PIP5K1B: variants seen among roughly 807,000 people sequenced by gnomAD.
The protein encoded by PIP5K1B is phosphatidylinositol 4-phosphate 5-kinase type-1 beta.
Under a neutral mutation model 67.0 loss-of-function variants are expected in PIP5K1B, and 42 were observed. That is an observed-to-expected ratio of 0.63 (90% CI 0.49 to 0.81). PIP5K1B has a LOEUF of 0.81. Among genes scored for constraint, PIP5K1B ranks in the 30% least tolerant of loss-of-function variants. The pLI is 0.00. For missense variants in PIP5K1B, 459 were observed against 646.3 expected (o/e 0.71, Z 3.14); for synonymous variants, 214 against 231.4 (o/e 0.92, Z 0.68).
chr9:68,949,987 C>T (rs1827980917), intron 14 of PIP5K1B, among the ~76,000 whole-genome samples: 1 of 152,156 alleles, frequency 6.6e-6, no homozygotes, highest in South Asian at 2.1e-4. Context: ...GTATAGTTAT[C>T]GATGTACAGA....
chr9:68,973,846 G>A (rs1393963354), intron 14 of PIP5K1B, among the ~76,000 whole-genome samples: 1 of 152,176 alleles, frequency 6.6e-6, no homozygotes, highest in Non-Finnish European at 1.5e-5. Flanking sequence ...AGGGCCTTCA[G>A]CAGTGCCCTT....
intron 1 of PIP5K1B, among the ~76,000 whole-genome samples, chr9:68,709,091 T>C (rs115135284): frequency 6.6e-6 from 1 of 152,210 alleles, no homozygotes; most frequent in African/African-American, 2.4e-5. Context: ...AGGTACAGTT[T>C]TGACTTTTAG....
intron 14 of PIP5K1B, among the ~76,000 whole-genome samples, chr9:68,984,798 G>T (rs771764468): frequency 3.9e-5 from 6 of 152,120 alleles, no homozygotes; most frequent in Non-Finnish European, 8.8e-5. Flanking sequence ...GTTTTTGTGG[G>T]TATTCTGTAA....
chr9:68,780,096 C>CGG, intron 2 of PIP5K1B: 1 of 1,430,494 alleles, frequency 7.0e-7, no homozygotes, highest in Non-Finnish European at 9.1e-7. Context: ...GCGGCGGCGG[C>CGG]CCTGGACTGC....
intron 2 of PIP5K1B, among the ~76,000 whole-genome samples, chr9:68,746,029 G>A (rs1379259168): frequency 6.9e-6 from 1 of 145,088 alleles, no homozygotes; most frequent in East Asian, 2.0e-4. Flanking sequence ...AGTTACTTTT[G>A]TTTAAGCTGT....
intron 13 of PIP5K1B, among the ~76,000 whole-genome samples, chr9:68,938,964 C>A (rs747865161): frequency 6.6e-6 from 1 of 152,226 alleles, no homozygotes; most frequent in East Asian, 1.9e-4. Context: ...CCTGAATAAT[C>A]TTCCCTTTGA....
chr9:68,997,186 A>G (rs1485076136), intron 15 of PIP5K1B, among the ~76,000 whole-genome samples: 1 of 152,212 alleles, frequency 6.6e-6, no homozygotes, highest in Admixed American at 6.5e-5. Context: ...TTATCATACT[A>G]TTATGTATGG....
At position 68,880,843 on chromosome 9, in the gene PIP5K1B, A is replaced by G. The variant is rs531715969; in HGVS notation, c.318+4049A>G. 4.2e-3 allele frequency among the ~76,000 whole-genome samples: 644 copies of G among 152,264 alleles called. 1 individual carries two copies. Among genetic ancestry groups the G allele is most frequent in the Non-Finnish European group, 6.5e-3 (442 of 68,016 alleles). On this transcript the variant is annotated intron_variant, in intron 6 of 15. Coordinates refer to ENST00000265382, the MANE Select transcript of PIP5K1B (RefSeq NM_003558.4). ...CCACCCACCTGTGCCTGCACTGGGG[A>G]CACCTGCAGCACAGGACTGAGGCAG... is the stretch of plus-strand genomic sequence containing the variant.
At chr9:68,936,223 T>C (rs1321771758) in intron 13 of PIP5K1B, among the ~76,000 whole-genome samples, 5 of 152,178 alleles carry the variant, frequency 3.3e-5, no homozygotes, top group Non-Finnish European at 7.4e-5. Flanking sequence ...TGTACAATGA[T>C]AAATAGAAGT....
At chr9:68,863,741 A>C in intron 4 of PIP5K1B, 96 bp from the exon 5 acceptor site, 2 of 1,018,484 alleles carry the variant, frequency 2.0e-6, no homozygotes, top group Non-Finnish European at 2.8e-6. Flanking sequence ...TTGGAGCAAG[A>C]AAGAGAATTG....
At chr9:68,863,410 C>G (rs1175874368) in intron 4 of PIP5K1B, among the ~76,000 whole-genome samples, 1 of 152,104 alleles carries the variant, frequency 6.6e-6, no homozygotes, top group Non-Finnish European at 1.5e-5. Context: ...CTCATACACA[C>G]ACACATACAC....
At chr9:68,780,802 A>G in intron 2 of PIP5K1B, 1 of 1,614,236 alleles carries the variant, frequency 6.2e-7, no homozygotes, top group South Asian at 1.1e-5. Context: ...ACTGAATATC[A>G]GCCAAAGAGA....
chr9:68,816,769 AAG>A (rs1833468688), intron 2 of PIP5K1B, among the ~76,000 whole-genome samples: 1 of 152,246 alleles, frequency 6.6e-6, no homozygotes, highest in African/African-American at 2.4e-5. Context: ...CATTTGAAGT[AAG>A]AGCTAATATT....
At chr9:68,970,234 A>G (rs1428049675) in intron 14 of PIP5K1B, among the ~76,000 whole-genome samples, 3 of 152,234 alleles carry the variant, frequency 2.0e-5, no homozygotes, top group Non-Finnish European at 4.4e-5. Flanking sequence ...AAATTGTTTA[A>G]AGGAGCATGT....
intron 12 of PIP5K1B, among the ~76,000 whole-genome samples, chr9:68,929,199 C>T (rs1401217650): frequency 6.7e-6 from 1 of 149,022 alleles, no homozygotes; most frequent in Non-Finnish European, 1.5e-5. Context: ...AAGGTGACTG[C>T]TGTATCCCCA....
chr9:68,734,387 T>G (rs1271291964), intron 1 of PIP5K1B, among the ~76,000 whole-genome samples: 1 of 152,146 alleles, frequency 6.6e-6, no homozygotes, highest in Non-Finnish European at 1.5e-5. Flanking sequence ...GCACACAGAA[T>G]TAATAAAGCT....
At chr9:68,726,764 T>G (rs1315540921) in intron 1 of PIP5K1B, among the ~76,000 whole-genome samples, 3 of 152,236 alleles carry the variant, frequency 2.0e-5, no homozygotes, top group Non-Finnish European at 4.4e-5. Context: ...CATTCTCATA[T>G]GAGAGTTTCC....
At chr9:68,920,857 CT>C (rs1826359930) in intron 11 of PIP5K1B, among the ~76,000 whole-genome samples, 1 of 151,144 alleles carries the variant, frequency 6.6e-6, no homozygotes, top group Non-Finnish European at 1.5e-5. Context: ...CATTAGATTT[CT>C]ACTTCCTGCT....
chr9:68,819,228 A>G (rs1833607247), intron 3 of PIP5K1B, among the ~76,000 whole-genome samples: 1 of 152,174 alleles, frequency 6.6e-6, no homozygotes, highest in Admixed American at 6.5e-5. Context: ...GGACCTGTGG[A>G]TACCAAAATA....
Sources: allele counts gnomAD v4.1 joint callset (sites outside exome capture counted in the v4.1 genomes callset), GRCh38; gene constraint gnomAD v4.1.1; transcripts MANE v1.5; gene names NCBI Gene and HGNC (gene_info 2026-07-23, HGNC 2026-07-21).